Variants in CP observed in about 807,000 individuals in gnomAD.
CP encodes the protein ceruloplasmin.
A neutral mutation model predicts 122.4 loss-of-function variants in CP; 64 were observed. The observed-to-expected ratio is 0.52, with a 90% CI of 0.43 to 0.64. The LOEUF (loss-of-function observed/expected upper bound fraction) is 0.64, where lower values mean the gene tolerates loss of function less well. Ranked by LOEUF, CP falls within the 30% of genes least tolerant of loss-of-function variation. The pLI, the probability that CP is intolerant of heterozygous loss-of-function variation, is 0.00. For synonymous variants in CP, 440 were observed against 436.4 expected, an observed-to-expected ratio of 1.01 and a Z score of -0.10; for missense variants, 1,167 against 1,284.4, an observed-to-expected ratio of 0.91 and a Z score of 1.40.
chr3:149,219,250 G>A (rs549509249), intron 1 of CP, among the ~76,000 whole-genome samples: 1 of 152,288 alleles, frequency 6.6e-6, no homozygotes, highest in South Asian at 2.1e-4. Flanking sequence ...CAAAAAGAGA[G>A]GTGGACTTTG....
At chr3:149,164,211 C>T (rs1559924781) in intron 5 of CP, among the ~76,000 whole-genome samples, 1 of 152,154 alleles carries the variant, frequency 6.6e-6, no homozygotes, top group Non-Finnish European at 1.5e-5. Flanking sequence ...CTGATTTCCT[C>T]ATTTTCAGGA....
chr3:149,212,776 T>C (rs1421903502), intron 1 of CP, 78 bp from the exon 2 acceptor site: 8 of 1,495,466 alleles, frequency 5.3e-6, no homozygotes, highest in Non-Finnish European at 7.2e-6. Flanking sequence ...TTAATAACAT[T>C]ATAATTAGAG....
chr3:149,221,369 T>A (rs1728796796), intron 1 of CP, among the ~76,000 whole-genome samples: 1 of 152,060 alleles, frequency 6.6e-6, no homozygotes, highest in South Asian at 2.1e-4. Context: ...CATAAACACA[T>A]AAAAAGACAG....
chr3:149,162,784 A>C, exon 6 of CP: 5 of 1,613,960 alleles, frequency 3.1e-6, no homozygotes, highest in Non-Finnish European at 4.2e-6. Flanking sequence ...GTGGTACTTC[A>C]GGAACTCTTT....
chr3:149,212,408 C>T, intron 2 of CP, 43 bp downstream of exon 2: 1 of 1,611,718 alleles, frequency 6.2e-7, no homozygotes, highest in Non-Finnish European at 8.5e-7. Context: ...GGCACTTCTA[C>T]TGAAAAGTAA....
chr3:149,167,060 C>T lies in CP; in HGVS notation c.587-1010G>A, dbSNP rs1724496876. 1 of 1,613,380 alleles carries T rather than the reference C, an allele frequency of 6.2e-7. No homozygotes were observed. Among genetic ancestry groups the T allele is most frequent in the South Asian group, 1.1e-5 (1 of 91,084 alleles). Reference sequence around the variant, plus strand: ...CTCTTATATGTGGTCCTTCATTTGACATAGCTTCCATTATTCCGTTCTTGG... The same window carrying T: ...CTCTTATATGTGGTCCTTCATTTGATATAGCTTCCATTATTCCGTTCTTGG... On this transcript the variant is annotated intron_variant, in intron 4 of 5. Transcript: ENST00000479771.
At chr3:149,219,215 A>G (rs988536852) in intron 1 of CP, among the ~76,000 whole-genome samples, 1 of 152,238 alleles carries the variant, frequency 6.6e-6, no homozygotes, top group Admixed American at 6.5e-5. Flanking sequence ...AAGCCAGAGG[A>G]GATGTTAAAG....
intron 9 of CP, among the ~76,000 whole-genome samples, chr3:149,189,226 T>C (rs1292933007): frequency 1.3e-5 from 2 of 152,286 alleles, no homozygotes; most frequent in Middle Eastern, 3.4e-3. Context: ...TGGAGATCTG[T>C]ACTAAAAATG....
At chr3:149,202,006 A>G (rs1057291668) in intron 7 of CP, 96 bp downstream of exon 7, 4 of 1,492,198 alleles carry the variant, frequency 2.7e-6, no homozygotes, top group East Asian at 4.5e-5. Flanking sequence ...TAACACATAG[A>G]AATCATGCAG....
intron 10 of CP, 56 bp downstream of exon 10, chr3:149,187,996 A>G (rs1726284727): frequency 5.7e-6 from 9 of 1,579,460 alleles, no homozygotes; most frequent in South Asian, 4.4e-5. Context: ...AGTTAAAAGC[A>G]TTACATATGC....
At chr3:149,194,763 A>G (rs752001560) in intron 9 of CP, among the ~76,000 whole-genome samples, 6 of 152,222 alleles carry the variant, frequency 3.9e-5, no homozygotes, top group Non-Finnish European at 8.8e-5. Flanking sequence ...TAACTTATAC[A>G]TTTGAAACAA....
intron 4 of CP, 124 bp from the exon 5 acceptor site, chr3:149,207,741 C>T (rs1576775291): frequency 5.4e-6 from 5 of 921,798 alleles, no homozygotes; most frequent in East Asian, 2.5e-5. Flanking sequence ...GGTATTCTTG[C>T]CCCCTATACT....
At chr3:149,197,562 T>C (rs554806204) in intron 9 of CP, among the ~76,000 whole-genome samples, 7 of 151,872 alleles carry the variant, frequency 4.6e-5, no homozygotes, top group Admixed American at 3.9e-4. Flanking sequence ...TAACTACTAG[T>C]TATAGGAAAT....
chr3:149,188,326 C>A, intron 9 of CP, 124 bp from the exon 10 acceptor site: 1 of 767,426 alleles, frequency 1.3e-6, no homozygotes, highest in Non-Finnish European at 2.1e-6. Flanking sequence ...TTCTGTTGCT[C>A]TTTGTAAACT....
At chr3:149,165,520 C>T (rs1267048596) in intron 5 of CP, among the ~76,000 whole-genome samples, 2 of 151,880 alleles carry the variant, frequency 1.3e-5, no homozygotes, top group Non-Finnish European at 2.9e-5. Context: ...ACTCTATTGC[C>T]CAGATTGGAG....
At chr3:149,177,745 CT>C in intron 17 of CP, 94 bp downstream of exon 17, 1 of 1,385,110 alleles carries the variant, frequency 7.2e-7, no homozygotes, top group Non-Finnish European at 1.0e-6. Flanking sequence ...CTCTTTGCAG[CT>C]TTTTTTCATA....
At chr3:149,180,672 TC>T (rs767763084) in intron 14 of CP, among the ~76,000 whole-genome samples, 105 of 152,346 alleles carry the variant, frequency 6.9e-4, no homozygotes, top group Non-Finnish European at 1.2e-3. Context: ...TCTGAGCTGT[TC>T]CTATGTCCTC....
intron 18 of CP, among the ~76,000 whole-genome samples, chr3:149,174,663 T>C (rs1725294549): frequency 6.6e-6 from 1 of 152,222 alleles, no homozygotes; most frequent in Non-Finnish European, 1.5e-5. Flanking sequence ...TCCCTGCCTG[T>C]AAGAAATTTA....
chr3:149,221,095 G>A (rs144365433), intron 1 of CP, among the ~76,000 whole-genome samples: 2 of 152,176 alleles, frequency 1.3e-5, no homozygotes, highest in African/African-American at 2.4e-5. Context: ...ACATGCACCC[G>A]CTCTTTAAAT....
Sources: allele counts gnomAD v4.1 joint callset (sites outside exome capture counted in the v4.1 genomes callset), GRCh38; gene constraint gnomAD v4.1.1; transcripts MANE v1.5; gene names NCBI Gene and HGNC (gene_info 2026-07-23, HGNC 2026-07-21).